The following DNAAF9 variants were observed in gnomAD, a reference collection of about 807,000 sequenced individuals.
DNAAF9 encodes the protein dynein axonemal assembly factor 9, also known as shulin.
Under a neutral mutation model 167.0 loss-of-function variants are expected in DNAAF9, and 90 were observed. The observed-to-expected ratio is 0.54, with a 90% CI of 0.45 to 0.64. The LOEUF is 0.64. Ranked by LOEUF, DNAAF9 falls within the 30% of genes least tolerant of loss-of-function variation. The pLI is 0.00. For synonymous variants in DNAAF9, 491 were observed against 508.8 expected (o/e 0.96, Z 0.47); for missense variants, 1,315 against 1,442.2 (o/e 0.91, Z 1.43).
intron 1 of DNAAF9, among the ~76,000 whole-genome samples, chr20:3,396,124 G>C (rs565902874): frequency 6.6e-6 from 1 of 152,220 alleles, no homozygotes; most frequent in Non-Finnish European, 1.5e-5. Flanking sequence ...CCCCAGCCAC[G>C]TGGAACTGTG....
chr20:3,293,368 G>A (rs1262874186), intron 25 of DNAAF9, among the ~76,000 whole-genome samples: 1 of 147,378 alleles, frequency 6.8e-6, no homozygotes, highest in East Asian at 2.0e-4. Flanking sequence ...AGAAGACGAA[G>A]TGTGAGGCAA....
chr20:3,325,674 G>A (rs546914815), intron 13 of DNAAF9, among the ~76,000 whole-genome samples: 1 of 152,318 alleles, frequency 6.6e-6, no homozygotes, highest in Admixed American at 6.5e-5. Flanking sequence ...TACTGGGTCA[G>A]ATATAGGAAT....
rs1173308613 is a variant in DNAAF9 at position 3,259,910 on chromosome 20, GT to G, written c.2980+11del. ...TTTTTCCAGTGTCTAGGACATCTCAGTCAAGGCTTACCTTTACATTTGGCCA... is the reference window on the plus strand; with the variant it reads ...TTTTTCCAGTGTCTAGGACATCTCAGCAAGGCTTACCTTTACATTTGGCCA... On this transcript the variant is annotated intron_variant, in intron 32 of 36. Transcript: ENST00000252032. 3.9e-6 allele frequency: 6 copies of G among 1,521,486 alleles called. No homozygotes were observed. The highest frequency in any genetic ancestry group is 5.5e-6 in the Non-Finnish European group (6 of 1,095,792). The allele number at this position is 1,521,486 out of a possible 1,614,324, so 94.2% of individuals were successfully genotyped here.
At chr20:3,323,939 C>T (rs1485463995) in intron 14 of DNAAF9, among the ~76,000 whole-genome samples, 2 of 152,216 alleles carry the variant, frequency 1.3e-5, no homozygotes. Context: ...CAGATGCAAA[C>T]TGAAGAAGCG....
intron 27 of DNAAF9, among the ~76,000 whole-genome samples, chr20:3,282,915 ACCT>A (rs968868606): frequency 6.6e-6 from 1 of 151,566 alleles, no homozygotes; most frequent in African/African-American, 2.4e-5. Flanking sequence ...GGCATTCCCT[ACCT>A]CCTCCTCCAA....
intron 1 of DNAAF9, among the ~76,000 whole-genome samples, chr20:3,393,158 T>C (rs1010040813): frequency 1.3e-5 from 2 of 152,144 alleles, no homozygotes; most frequent in African/African-American, 2.4e-5. Context: ...CTAATGATGT[T>C]GAATACCTTT....
At chr20:3,307,906 C>G (rs1026695659) in intron 20 of DNAAF9, among the ~76,000 whole-genome samples, 2 of 145,330 alleles carry the variant, frequency 1.4e-5, no homozygotes, top group Non-Finnish European at 3.0e-5. Context: ...ATTTATGATG[C>G]AATGGCTAGA....
chr20:3,336,660 C>T (rs2069957671), intron 10 of DNAAF9, among the ~76,000 whole-genome samples: 2 of 152,162 alleles, frequency 1.3e-5, no homozygotes, highest in Non-Finnish European at 2.9e-5. Flanking sequence ...AGTGATTCTC[C>T]TGCCTCAGCC....
chr20:3,364,861 G>A (rs190494353), intron 6 of DNAAF9, among the ~76,000 whole-genome samples: 89 of 151,930 alleles, frequency 5.9e-4, no homozygotes, highest in Middle Eastern at 3.4e-3. Context: ...AAGAGGCTGC[G>A]GCAATCCCTT....
chr20:3,368,541 C>T (rs1296463869), intron 6 of DNAAF9, among the ~76,000 whole-genome samples: 2 of 139,040 alleles, frequency 1.4e-5, no homozygotes, highest in African/African-American at 5.4e-5. Flanking sequence ...GAGACAGAGT[C>T]TTGCTCTTTC....
At chr20:3,294,696 G>A in intron 23 of DNAAF9, 67 bp from the exon 24 acceptor site, 1 of 1,011,160 alleles carries the variant, frequency 9.9e-7, no homozygotes, top group South Asian at 1.3e-5. Context: ...TACACAACTG[G>A]GCCTGATGCT....
chr20:3,319,426 T>A (rs945531702), intron 16 of DNAAF9, among the ~76,000 whole-genome samples: 3 of 151,996 alleles, frequency 2.0e-5, no homozygotes, highest in Non-Finnish European at 2.9e-5. Context: ...TAAAAACTAG[T>A]GAAAATGAAA....
At position 3,324,958 on chromosome 20, in the gene DNAAF9, AC is replaced by A; in HGVS notation, c.1198del (p.Val400Ter). On this transcript the variant is annotated frameshift_variant, in exon 14 of 37. Coordinates refer to ENST00000252032, the MANE Select transcript of DNAAF9 (RefSeq NM_001009984.3). LOFTEE classifies it high-confidence loss of function. The part of the protein sequence containing the change: ...KTSSLTKAKE[V>X]AEQTLGSGLD... The stretch of plus-strand genomic sequence containing the variant: ...CCCAGATCCCAGAGTTTGCTCTGCT[AC>A]CTCCTTGGCCTGTAAAATAATAAGA... 6.3e-7 allele frequency: 1 copy of A among 1,590,438 alleles called. No homozygotes were observed. The highest frequency in any genetic ancestry group is 8.6e-7 in the Non-Finnish European group (1 of 1,158,450).
chr20:3,340,433 T>TCCGGGGGGGGGGGGGGGGGG, intron 10 of DNAAF9, 71 bp downstream of exon 10: 1 of 221,214 alleles, frequency 4.5e-6, no homozygotes, highest in Non-Finnish European at 9.5e-6. Context: ...TTTGTCTAGC[T>TCCGGGGGGGGGGGGGGGGGG]CCCCCCACCC....
At chr20:3,382,882 A>G (rs2083679931) in intron 1 of DNAAF9, among the ~76,000 whole-genome samples, 1 of 152,210 alleles carries the variant, frequency 6.6e-6, no homozygotes, top group African/African-American at 2.4e-5. Context: ...AAGAGTTTCC[A>G]TACTGATCAC....
chr20:3,313,854 G>C (rs1300883765), intron 20 of DNAAF9, among the ~76,000 whole-genome samples: 1 of 152,112 alleles, frequency 6.6e-6, no homozygotes, highest in Non-Finnish European at 1.5e-5. Flanking sequence ...GTGGAGCCAT[G>C]AGCCCAGAGC....
At chr20:3,280,183 C>T (rs981214762) in intron 28 of DNAAF9, among the ~76,000 whole-genome samples, 1 of 152,258 alleles carries the variant, frequency 6.6e-6, no homozygotes, top group Middle Eastern at 3.4e-3. Flanking sequence ...TACAGCCACA[C>T]CAGAGTCTCC....
In DNAAF9 at chr20:3,336,258, G is replaced by GTTTTTTTT. The variant is rs367718705; in HGVS notation, c.982-3905_982-3898dup. ...TGCAGATTCACAGTTTTGCGTTTTTGTTTTTTTTTTTTTTTTTGCCAAATT... is the reference window on the plus strand; with the variant it reads ...TGCAGATTCACAGTTTTGCGTTTTTGTTTTTTTTTTTTTTTTTTTTTTTTTGCCAAATT... On this transcript the variant is annotated intron_variant, in intron 10 of 36. Transcript: ENST00000252032. 3.3e-4 allele frequency among the ~76,000 whole-genome samples: 38 copies of GTTTTTTTT among 113,492 alleles called. 1 individual carries two copies. The highest frequency in any genetic ancestry group is 3.6e-4 in the Non-Finnish European group (21 of 57,798). 74.5% of individuals were successfully genotyped at this position (113,492 alleles called of 152,430 possible). A position where few individuals can be genotyped will look rare whatever the true frequency, so the allele number is the denominator to read the frequency against.
Position 3,407,644 on chromosome 20 carries a change from G to T in DNAAF9, c.-87C>A. The T allele has an allele frequency of 8.7e-7, 1 of 1,149,668 alleles. No individual in the cohort carries two copies. Among genetic ancestry groups the T allele is most frequent in the Non-Finnish European group, 1.1e-6 (1 of 935,426 alleles). 71.2% of individuals were successfully genotyped at this position (1,149,668 alleles called of 1,614,324 possible). On this transcript the variant is annotated 5_prime_UTR_variant, in exon 1 of 37. Coordinates refer to ENST00000252032, the MANE Select transcript of DNAAF9 (RefSeq NM_001009984.3). The stretch of plus-strand genomic sequence containing the variant: ...GGGCGGCTCCACGCTAGCTGCGGCC[G>T]GGCGGGGCGGCAGGGCGTGCCGGGT...
Sources: gnomAD v4.1 joint callset for allele counts (sites outside exome capture counted in the v4.1 genomes callset) on GRCh38, gnomAD v4.1.1 for gene constraint, MANE v1.5 for transcripts, NCBI Gene and HGNC (gene_info 2026-07-23, HGNC 2026-07-21) for gene names.